The following SOX6 variants were observed in gnomAD, a reference collection of about 807,000 sequenced individuals.
SOX6 encodes transcription factor SOX-6.
SOX6 carries 11 observed loss-of-function variants against 97.8 expected under a neutral mutation model. The ratio of observed to expected loss-of-function variants is 0.11; its 90% CI spans 0.07 to 0.19. The LOEUF (loss-of-function observed/expected upper bound fraction) is 0.19, where lower values mean the gene tolerates loss of function less well. Among genes scored for constraint, SOX6 ranks in the 10% least tolerant of loss-of-function variants. The pLI, the probability that SOX6 is intolerant of heterozygous loss-of-function variation, is 1.00. For synonymous variants in SOX6, 360 were observed against 371.4 expected (o/e 0.97, Z 0.35); for missense variants, 810 against 1,039.5 (o/e 0.78, Z 3.04).
intron 1 of SOX6, among the ~76,000 whole-genome samples, chr11:16,383,142 C>T (rs1479206332): frequency 6.6e-6 from 1 of 151,842 alleles, no homozygotes; most frequent in Non-Finnish European, 1.5e-5. Context: ...ATAAGAATTG[C>T]TCTTTCCTTC....
At chr11:16,145,516 G>A (rs999758276) in intron 6 of SOX6, among the ~76,000 whole-genome samples, 1 of 152,160 alleles carries the variant, frequency 6.6e-6, no homozygotes, top group Non-Finnish European at 1.5e-5. Flanking sequence ...TCAGGCAGGA[G>A]AAAGAAATAA....
chr11:16,367,013 T>C (rs545404550), intron 1 of SOX6, among the ~76,000 whole-genome samples: 4 of 152,286 alleles, frequency 2.6e-5, no homozygotes, highest in African/African-American at 9.6e-5. Flanking sequence ...ATATAGATGG[T>C]ACAGGCATCT....
chr11:16,284,374 AC>A (rs2134247566), intron 3 of SOX6, among the ~76,000 whole-genome samples: 1 of 152,170 alleles, frequency 6.6e-6, no homozygotes, highest in South Asian at 2.1e-4. Flanking sequence ...GTACAAGTAA[AC>A]CTAGTTTTAC....
Position 16,577,546 on chromosome 11 carries a change from G to A in SOX6, n.609+34535C>T, listed in dbSNP as rs543499564. Among the ~76,000 whole-genome samples, 7 of 152,150 alleles carry A rather than the reference G, an allele frequency of 4.6e-5. No homozygotes were observed. In the South Asian group the frequency reaches 1.5e-3, roughly 32 times the overall value. On this transcript the variant is annotated intron_variant and non_coding_transcript_variant, in intron 4 of 5. Coordinates refer to the SOX6 transcript ENST00000524520. The stretch of plus-strand genomic sequence containing the variant: ...TATATTCTCATGAGCAATATATGAG[G>A]GTTCCAATTTCCAATGAATGTTCCA...
chr11:16,673,726 G>A (rs1220630806), intron 3 of SOX6, among the ~76,000 whole-genome samples: 1 of 152,048 alleles, frequency 6.6e-6, no homozygotes, highest in Non-Finnish European at 1.5e-5. Context: ...AAAAGTAGAG[G>A]AAAGAGGGAA....
At chr11:16,237,399 TTA>T (rs1210435728) in intron 3 of SOX6, among the ~76,000 whole-genome samples, 1 of 152,010 alleles carries the variant, frequency 6.6e-6, no homozygotes, top group Non-Finnish European at 1.5e-5. Context: ...CAAATAAAAT[TTA>T]TGTTTTCAAA....
At chr11:16,446,101 C>A (rs1192168575) in intron 1 of SOX6, among the ~76,000 whole-genome samples, 1 of 151,944 alleles carries the variant, frequency 6.6e-6, no homozygotes, top group African/African-American at 2.4e-5. Context: ...AAACAAGGTC[C>A]AGTAGCACCT....
At chr11:16,132,662 C>A (rs1180134826) in intron 6 of SOX6, among the ~76,000 whole-genome samples, 1 of 149,834 alleles carries the variant, frequency 6.7e-6, no homozygotes, top group East Asian at 2.0e-4. Flanking sequence ...AGTCTGGGCT[C>A]ATTCTATATC....
intron 4 of SOX6, among the ~76,000 whole-genome samples, chr11:16,544,587 G>T (rs1847592315): frequency 6.6e-6 from 1 of 152,240 alleles, no homozygotes; most frequent in East Asian, 1.9e-4. Flanking sequence ...TTGGAGTGAT[G>T]AAATTATTTG....
chr11:16,679,118 C>T (rs959619986), intron 3 of SOX6, among the ~76,000 whole-genome samples: 2 of 152,318 alleles, frequency 1.3e-5, no homozygotes, highest in East Asian at 1.9e-4. Context: ...GTTCTCCCAG[C>T]GTGGCATTCG....
At chr11:16,142,385 A>C (rs1331310047) in intron 6 of SOX6, among the ~76,000 whole-genome samples, 1 of 152,204 alleles carries the variant, frequency 6.6e-6, no homozygotes, top group Non-Finnish European at 1.5e-5. Flanking sequence ...AGGTAGATAA[A>C]ACCACAAAGA....
intron 3 of SOX6, among the ~76,000 whole-genome samples, chr11:16,238,737 AAC>A (rs1853099372): frequency 6.6e-6 from 1 of 152,118 alleles, no homozygotes; most frequent in African/African-American, 2.4e-5. Context: ...CCTATAAGCA[AAC>A]ACTTATTTTC....
chr11:16,493,815 T>C (rs1390487533), intron 4 of SOX6, among the ~76,000 whole-genome samples: 2 of 152,090 alleles, frequency 1.3e-5, no homozygotes, highest in African/African-American at 4.8e-5. Flanking sequence ...TTGTTAGGAG[T>C]ACAAATTGAC....
chr11:16,426,466 C>T (rs1859134977), intron 1 of SOX6, among the ~76,000 whole-genome samples: 1 of 151,812 alleles, frequency 6.6e-6, no homozygotes, highest in African/African-American at 2.4e-5. Flanking sequence ...GACACATAGA[C>T]CAATGGAACA....
At chr11:15,979,673 A>C (rs1379991010) in intron 15 of SOX6, among the ~76,000 whole-genome samples, 1 of 152,044 alleles carries the variant, frequency 6.6e-6, no homozygotes, top group Non-Finnish European at 1.5e-5. Context: ...GGAACAAGCT[A>C]GGCACAATCT....
At chr11:16,711,915 T>C (rs528742727) in intron 3 of SOX6, among the ~76,000 whole-genome samples, 283 of 152,262 alleles carry the variant, frequency 1.9e-3, no homozygotes, top group African/African-American at 6.6e-3. Flanking sequence ...ATCATTCTTA[T>C]GCCTTTGCAT....
rs1381102580 is a variant in SOX6 at position 16,300,556 on chromosome 11, C to T, written c.445+17890G>A. On this transcript the variant is annotated intron_variant, in intron 3 of 15. Transcript: ENST00000683767. This position sits in a 1 kb window ranked among gnomAD's most constrained non-coding sequence, Gnocchi z 4.1. ...TGCTTTTACAAGTGAGGTGACTATT[C>T]AGTCTAATGCAATCCTCTCAGTGCT... is the stretch of plus-strand genomic sequence containing the variant. Among the ~76,000 whole-genome samples, 2 of 152,180 alleles carry T rather than the reference C, an allele frequency of 1.3e-5. No individual in the cohort carries two copies. Among genetic ancestry groups the T allele is most frequent in the African/African-American group, 4.8e-5 (2 of 41,436 alleles).
rs561082347 is a variant in SOX6 at position 16,143,613 on chromosome 11, C to T, written c.778-31690G>A. On this transcript the variant is annotated intron_variant, in intron 6 of 15. Transcript: ENST00000683767. The stretch of plus-strand genomic sequence containing the variant: ...TGCTGTATTCAGGAGACCCATTTCA[C>T]GTGCAGAGACACACATAGGCTCAAA... Among the ~76,000 whole-genome samples the T allele has an allele frequency of 7.2e-5, 11 of 152,206 alleles. No individual in the cohort carries two copies. The East Asian group carries it at 1.9e-3, about 27-fold the overall frequency.
At chr11:16,586,128 T>C (rs994445582) in intron 4 of SOX6, among the ~76,000 whole-genome samples, 1 of 152,188 alleles carries the variant, frequency 6.6e-6, no homozygotes, top group Non-Finnish European at 1.5e-5. Flanking sequence ...CATCTATATC[T>C]AAAAAGAAAT....
Sources: allele counts gnomAD v4.1 joint callset (sites outside exome capture counted in the v4.1 genomes callset), GRCh38; gene constraint gnomAD v4.1.1; non-coding constraint Gnocchi (gnomAD v3.1); transcripts MANE v1.5; gene names NCBI Gene and HGNC (gene_info 2026-07-23, HGNC 2026-07-21).